EXOC6B: variants seen among roughly 807,000 people sequenced by gnomAD.
EXOC6B encodes exocyst complex component 6B.
In EXOC6B, 54 loss-of-function variants were observed where a neutral mutation model predicts 113.5. The observed-to-expected ratio is 0.48, with a 90% confidence interval of 0.38 to 0.60. The LOEUF is 0.60. Ranked by LOEUF, EXOC6B falls within the 20% of genes least tolerant of loss-of-function variation. The probability of loss-of-function intolerance (pLI) is 0.00; values close to 1 mark genes in which losing one functional copy is unlikely to be tolerated. For missense variants in EXOC6B, 797 were observed against 977.5 expected (o/e 0.82, Z 2.46); for synonymous variants, 357 against 339.0 (o/e 1.05, Z -0.58).
intron 20 of EXOC6B, among the ~76,000 whole-genome samples, chr2:72,223,866 T>A (rs540009256): frequency 4.6e-4 from 70 of 152,306 alleles, no homozygotes; most frequent in African/African-American, 1.6e-3. Context: ...GTAAACACAC[T>A]GCTCTGTCTT....
chr2:72,498,987 G>A (rs1163873562), intron 12 of EXOC6B, among the ~76,000 whole-genome samples: 1 of 151,972 alleles, frequency 6.6e-6, no homozygotes, highest in East Asian at 1.9e-4. Flanking sequence ...GGTAGTTAAA[G>A]AAACTGCAAA....
In EXOC6B at chr2:72,336,153, T is replaced by C. The variant is rs971385534; in HGVS notation, c.2123-1133A>G. ...CTCAAGTGCCTGTTCAAAGCAAATA[T>C]GAAAAGGAACGTTTTCCTTCAAATT... On this transcript the variant is annotated intron_variant, in intron 19 of 21. Transcript: ENST00000272427. Among the ~76,000 whole-genome samples the C allele has an allele frequency of 2.0e-5, 3 of 152,168 alleles. No individual in the cohort carries two copies. In the East Asian group the frequency reaches 5.8e-4, roughly 29 times the overall value.
At chr2:72,327,422 T>C (rs1191108632) in intron 20 of EXOC6B, among the ~76,000 whole-genome samples, 1 of 152,028 alleles carries the variant, frequency 6.6e-6, no homozygotes, top group Non-Finnish European at 1.5e-5. Context: ...CTCCCCTGAT[T>C]CCTAATCTCC....
chr2:72,396,042 A>G (rs1692705115), intron 18 of EXOC6B, among the ~76,000 whole-genome samples: 1 of 152,108 alleles, frequency 6.6e-6, no homozygotes, highest in Non-Finnish European at 1.5e-5. Context: ...ATTTAACATA[A>G]AATTTTAATA....
At chr2:72,191,223 T>A (rs1455423166) in intron 20 of EXOC6B, among the ~76,000 whole-genome samples, 2 of 152,242 alleles carry the variant, frequency 1.3e-5, no homozygotes, top group South Asian at 2.1e-4. Flanking sequence ...AGGATACTTT[T>A]TTTTCTTCCT....
intron 6 of EXOC6B, among the ~76,000 whole-genome samples, chr2:72,658,755 T>C (rs1353974268): frequency 2.0e-5 from 3 of 152,098 alleles, no homozygotes; most frequent in Non-Finnish European, 1.5e-5. Flanking sequence ...TATTATTTTA[T>C]ACCATAATTA....
intron 6 of EXOC6B, among the ~76,000 whole-genome samples, chr2:72,620,866 G>A (rs1238921154): frequency 6.6e-6 from 1 of 151,890 alleles, no homozygotes; most frequent in African/African-American, 2.4e-5. Context: ...CTTCTCAAAA[G>A]AAGAAATATA....
intron 11 of EXOC6B, among the ~76,000 whole-genome samples, chr2:72,508,535 G>C (rs1457852216): frequency 6.6e-6 from 1 of 152,170 alleles, no homozygotes; most frequent in Non-Finnish European, 1.5e-5. Flanking sequence ...CCTTTGGGAG[G>C]CCGAGGTAGG....
intron 20 of EXOC6B, among the ~76,000 whole-genome samples, chr2:72,185,839 C>A (rs992377563): frequency 2.6e-5 from 4 of 151,718 alleles, no homozygotes; most frequent in African/African-American, 9.7e-5. Context: ...GTGTGCTGCA[C>A]CCATTAACTC....
At chr2:72,409,053 A>G (rs936832435) in intron 18 of EXOC6B, among the ~76,000 whole-genome samples, 2 of 152,192 alleles carry the variant, frequency 1.3e-5, no homozygotes, top group African/African-American at 2.4e-5. Context: ...ACAAGTGGGC[A>G]AAGGATATGA....
chr2:72,717,525 A>C (rs1679694867), intron 6 of EXOC6B, among the ~76,000 whole-genome samples: 2 of 152,246 alleles, frequency 1.3e-5, no homozygotes. Flanking sequence ...AAAGAAATTT[A>C]GATGTTCCTT....
chr2:72,212,671 T>C (rs538084547), intron 20 of EXOC6B, among the ~76,000 whole-genome samples: 1 of 152,316 alleles, frequency 6.6e-6, no homozygotes, highest in Admixed American at 6.5e-5. Context: ...GAAGCAGAGC[T>C]CAAGCCAAGG....
At chr2:72,276,356 G>C (rs1684809391) in intron 20 of EXOC6B, among the ~76,000 whole-genome samples, 1 of 152,160 alleles carries the variant, frequency 6.6e-6, no homozygotes, top group African/African-American at 2.4e-5. Flanking sequence ...CTCTCAGTGA[G>C]TAGGTATAGA....
chr2:72,349,399 T>G (rs1689519549), intron 19 of EXOC6B, among the ~76,000 whole-genome samples: 1 of 152,168 alleles, frequency 6.6e-6, no homozygotes, highest in African/African-American at 2.4e-5. Flanking sequence ...AGGGAGGGGC[T>G]GGCCATGCCA....
intron 21 of EXOC6B, among the ~76,000 whole-genome samples, chr2:72,181,640 T>C (rs527623147): frequency 6.6e-6 from 1 of 152,336 alleles, no homozygotes; most frequent in East Asian, 1.9e-4. Context: ...TGGAAGCAGC[T>C]GAGAGACAGG....
chr2:72,741,348 T>C lies in EXOC6B; in HGVS notation c.235A>G (p.Ile79Val), dbSNP rs1472004973. 5 of 1,613,750 alleles carry C rather than the reference T, an allele frequency of 3.1e-6. No homozygotes were observed. The highest frequency in any genetic ancestry group is 2.2e-5 in the East Asian group (1 of 44,880). The change falls in exon 2 of 22, where the codon ATA (isoleucine) becomes GTA (valine). Residue 79 changes from isoleucine (I) to valine (V), a missense_variant. By Grantham distance (29) the Ile-to-Val change is conservative. Coordinates refer to ENST00000272427, the MANE Select transcript of EXOC6B (RefSeq NM_015189.3). Reference protein sequence around the residue: ...NFHYQGFVDSITELLKVRGEA... With the variant: ...NFHYQGFVDSVTELLKVRGEA... ...CCTCTCACTTTCAGCAGTTCAGTTA[T>C]AGAGTCCACAAAGCCCTGGTAATGA...
intron 20 of EXOC6B, among the ~76,000 whole-genome samples, chr2:72,271,185 G>T (rs754703325): frequency 5.3e-5 from 8 of 152,100 alleles, no homozygotes; most frequent in Non-Finnish European, 1.0e-4. Context: ...AGAGTAAGGG[G>T]TTTTAAAACT....
At chr2:72,195,028 C>A (rs947226773) in intron 20 of EXOC6B, among the ~76,000 whole-genome samples, 5 of 152,114 alleles carry the variant, frequency 3.3e-5, no homozygotes, top group African/African-American at 9.7e-5. Flanking sequence ...TATCAGTGAC[C>A]AATTGCCTAT....
chr2:72,425,610 T>C (rs1695160003), intron 18 of EXOC6B, among the ~76,000 whole-genome samples: 1 of 152,194 alleles, frequency 6.6e-6, no homozygotes, highest in African/African-American at 2.4e-5. Flanking sequence ...CTGAACTTTT[T>C]GTCTCAGTTA....
Sources: allele counts gnomAD v4.1 joint callset (sites outside exome capture counted in the v4.1 genomes callset), GRCh38; gene constraint gnomAD v4.1.1; transcripts MANE v1.5; gene names NCBI Gene and HGNC (gene_info 2026-07-23, HGNC 2026-07-21).